Variants in RREB1 observed in about 807,000 individuals in gnomAD.
The protein encoded by RREB1 is ras responsive element binding protein 1.
RREB1 carries 27 observed loss-of-function variants against 117.8 expected under a neutral mutation model. The ratio of observed to expected loss-of-function variants is 0.23; its 90% CI spans 0.17 to 0.32. The LOEUF (loss-of-function observed/expected upper bound fraction) is 0.32, where lower values mean the gene tolerates loss of function less well. RREB1 is among the 10% of genes least tolerant of loss of function. The pLI is 1.00. For synonymous variants in RREB1, 1,298 were observed against 1,026.7 expected (o/e 1.26, Z -5.05); for missense variants, 2,577 against 2,378.2 (o/e 1.08, Z -1.74).
At chr6:7,146,750 G>A (rs1322748407) in intron 1 of RREB1, among the ~76,000 whole-genome samples, 4 of 151,358 alleles carry the variant, frequency 2.6e-5, no homozygotes, top group African/African-American at 7.3e-5. Flanking sequence ...CTGGTGTGTC[G>A]TGGCTTTCTT....
chr6:7,169,384 C>T (rs1001861003), intron 1 of RREB1, among the ~76,000 whole-genome samples: 1 of 152,244 alleles, frequency 6.6e-6, no homozygotes, highest in African/African-American at 2.4e-5. Flanking sequence ...CCACCTTGGG[C>T]ACCCAGAGTA....
intron 8 of RREB1, chr6:7,218,839 A>T (rs1767065213): frequency 6.6e-6 from 1 of 151,492 alleles, no homozygotes; most frequent in African/African-American, 2.4e-5. Context: ...AAAAAAAAAA[A>T]AAAAAAAAGG....
At position 7,231,655 on chromosome 6, in the gene RREB1, G is replaced by T; in HGVS notation, c.3556G>T (p.Ala1186Ser). The T allele has an allele frequency of 6.2e-7, 1 of 1,611,492 alleles. No individual in the cohort carries two copies. Among genetic ancestry groups the T allele is most frequent in the East Asian group, 2.2e-5 (1 of 44,806 alleles). The change falls in exon 10 of 13, where the codon GCC becomes TCC. Residue 1186 changes from alanine to serine, a missense_variant. Ala to Ser is a moderately conservative substitution (Grantham distance 99). Coordinates refer to ENST00000379938, the MANE Select transcript of RREB1 (RefSeq NM_001003699.4). ...GTTTGCCAGCATCGAGAAGATGCTG[G>T]CCACCACAGACACCAACAAGTTCAG... ...GEFASIEKML[A>S]TTDTNKFSPF...
At chr6:7,132,115 T>C (rs1762180132) in intron 1 of RREB1, among the ~76,000 whole-genome samples, 1 of 152,106 alleles carries the variant, frequency 6.6e-6, no homozygotes, top group Admixed American at 6.5e-5. Flanking sequence ...AGTACAATGG[T>C]GCAATCTCGG....
chr6:7,156,516 C>T (rs76548734), intron 1 of RREB1, among the ~76,000 whole-genome samples: 4,938 of 152,254 alleles, frequency 0.032, 212 homozygotes, highest in African/African-American at 0.095. Context: ...AGCCACCTTC[C>T]GCACTGAGCC....
intron 11 of RREB1, among the ~76,000 whole-genome samples, chr6:7,246,094 C>G (rs1768999484): frequency 6.6e-6 from 1 of 152,242 alleles, no homozygotes; most frequent in South Asian, 2.1e-4. Flanking sequence ...GCACCCCTCT[C>G]CTATCTCGCA....
intron 6 of RREB1, among the ~76,000 whole-genome samples, chr6:7,191,341 A>G (rs1421550374): frequency 6.6e-6 from 1 of 152,172 alleles, no homozygotes; most frequent in Non-Finnish European, 1.5e-5. Context: ...TTGTAGAAAT[A>G]TGATACATTT....
intron 11 of RREB1, among the ~76,000 whole-genome samples, chr6:7,243,158 G>C (rs1768818041): frequency 6.6e-6 from 1 of 152,240 alleles, no homozygotes; most frequent in Admixed American, 6.5e-5. Context: ...TCCATCCTCA[G>C]ATGCTTTGGG....
chr6:7,186,167 A>G (rs1286768128), intron 4 of RREB1, among the ~76,000 whole-genome samples: 1 of 152,218 alleles, frequency 6.6e-6, no homozygotes, highest in African/African-American at 2.4e-5. Flanking sequence ...GGTGCCCTCC[A>G]TCCCGTTGGG....
intron 1 of RREB1, among the ~76,000 whole-genome samples, chr6:7,158,851 A>T (rs531844015): frequency 6.6e-6 from 1 of 151,524 alleles, no homozygotes; most frequent in African/African-American, 2.4e-5. Context: ...CCATTTGTTT[A>T]TTTTTTTCAG....
At position 7,140,043 on chromosome 6, in the gene RREB1, TGA is replaced by T. The variant is rs964204306; in HGVS notation, c.-285+31989_-285+31990del. Among the ~76,000 whole-genome samples, 12 of 152,230 alleles carry T rather than the reference TGA, an allele frequency of 7.9e-5. 1 individual carries two copies. The highest frequency in any genetic ancestry group is 2.1e-4 in the South Asian group (1 of 4,822). On this transcript the variant is annotated intron_variant, in intron 1 of 12. Transcript: ENST00000379938. ...GTGTACTGCAAGAGACAGATGAAAA[TGA>T]GAGAGTCCAAGGTCACATGGATTTT...
chr6:7,246,632 T>TGGCACTGAGGAG lies in RREB1; in HGVS notation c.4183_4194dup (p.Gly1395_Glu1398dup). On this transcript the variant is annotated inframe_insertion, in exon 12 of 13. Coordinates refer to ENST00000379938, the MANE Select transcript of RREB1 (RefSeq NM_001003699.4). ...AGAGCCATGAGCCGGAGGAGGAGCA[T>TGGCACTGAGGAG]GGCACTGAGGAGAGCACTGGGGACG... The TGGCACTGAGGAG allele has an allele frequency of 1.9e-6, 3 of 1,570,890 alleles. No homozygotes were observed. The highest frequency in any genetic ancestry group is 2.6e-6 in the Non-Finnish European group (3 of 1,158,384).
intron 10 of RREB1, among the ~76,000 whole-genome samples, chr6:7,234,549 A>G (rs1768199113): frequency 6.6e-6 from 1 of 152,252 alleles, no homozygotes; most frequent in Admixed American, 6.5e-5. Flanking sequence ...TAGCATCTGA[A>G]ACTGAGCAAG....
At chr6:7,152,407 AAGAC>A (rs1451659615) in intron 1 of RREB1, among the ~76,000 whole-genome samples, 1 of 152,204 alleles carries the variant, frequency 6.6e-6, no homozygotes. Context: ...TGTCTCCTGA[AAGAC>A]AGAAATGAAG....
intron 1 of RREB1, among the ~76,000 whole-genome samples, chr6:7,118,513 A>ATTTT (rs1761513239): frequency 2.6e-5 from 4 of 152,216 alleles, no homozygotes; most frequent in Non-Finnish European, 5.9e-5. Flanking sequence ...GAACATCTCA[A>ATTTT]ACAGGTTTTC....
At chr6:7,150,385 G>T (rs1047482607) in intron 1 of RREB1, among the ~76,000 whole-genome samples, 1 of 152,148 alleles carries the variant, frequency 6.6e-6, no homozygotes, top group African/African-American at 2.4e-5. Context: ...AAATTTTTCT[G>T]TTCCTGATTC....
At chr6:7,154,804 T>C (rs1333419587) in intron 1 of RREB1, among the ~76,000 whole-genome samples, 1 of 152,232 alleles carries the variant, frequency 6.6e-6, no homozygotes, top group East Asian at 1.9e-4. Context: ...GGCCTTAAGG[T>C]AGTCTTTTCA....
At chr6:7,113,013 C>T (rs1044805177) in intron 1 of RREB1, among the ~76,000 whole-genome samples, 16 of 152,210 alleles carry the variant, frequency 1.1e-4, no homozygotes, top group Admixed American at 8.5e-4. Flanking sequence ...GTCTGCCCAT[C>T]AGTAGAGGTG....
At chr6:7,241,799 T>C (rs1412039746) in intron 11 of RREB1, among the ~76,000 whole-genome samples, 3 of 152,150 alleles carry the variant, frequency 2.0e-5, no homozygotes, top group Non-Finnish European at 4.4e-5. Context: ...CCTCTGAGGG[T>C]ATGAAAGGGT....
Sources: gnomAD v4.1 joint callset for allele counts (sites outside exome capture counted in the v4.1 genomes callset) on GRCh38, gnomAD v4.1.1 for gene constraint, MANE v1.5 for transcripts, NCBI Gene and HGNC (gene_info 2026-07-23, HGNC 2026-07-21) for gene names.